The following CDH13 variants were observed in gnomAD, a reference collection of about 807,000 sequenced individuals.
The protein encoded by CDH13 is cadherin-13.
In CDH13, 24 loss-of-function variants were observed where a neutral mutation model predicts 63.8. That is an observed-to-expected ratio of 0.38 (90% confidence interval 0.27 to 0.53). CDH13 has a LOEUF of 0.53. CDH13 is among the 20% of genes least tolerant of loss of function. CDH13 has a pLI of 0.85. For missense variants in CDH13, 1,049 were observed against 903.1 expected, an observed-to-expected ratio of 1.16 and a Z score of -2.07; for synonymous variants, 503 against 355.3, an observed-to-expected ratio of 1.42 and a Z score of -4.67.
intron 2 of CDH13, among the ~76,000 whole-genome samples, chr16:83,029,487 A>T (rs1916111026): frequency 6.6e-6 from 1 of 152,224 alleles, no homozygotes; most frequent in South Asian, 2.1e-4. Context: ...TAAGATAAAG[A>T]TAAATATAGT....
chr16:82,782,550 T>TAA, intron 1 of CDH13, among the ~76,000 whole-genome samples: 1 of 80,042 alleles, frequency 1.2e-5, no homozygotes. Context: ...AGACTCCATC[T>TAA]CAAAAAAAAA....
At chr16:83,784,364 GC>G (rs1915736184) in intron 13 of CDH13, among the ~76,000 whole-genome samples, 1 of 152,118 alleles carries the variant, frequency 6.6e-6, no homozygotes, top group African/African-American at 2.4e-5. Flanking sequence ...AGGCACGGTG[GC>G]TCACACCTAT....
chr16:82,800,326 T>A (rs2036789816), intron 1 of CDH13, among the ~76,000 whole-genome samples: 1 of 152,152 alleles, frequency 6.6e-6, no homozygotes, highest in Non-Finnish European at 1.5e-5. Flanking sequence ...GAAGACCCAG[T>A]TCAATGGGTT....
intron 2 of CDH13, among the ~76,000 whole-genome samples, chr16:82,956,652 G>C (rs981311971): frequency 6.6e-6 from 1 of 152,150 alleles, no homozygotes; most frequent in African/African-American, 2.4e-5. Context: ...TGCCATCTCT[G>C]GTTTTATCTT....
At chr16:83,439,769 C>A (rs1213478276) in intron 6 of CDH13, among the ~76,000 whole-genome samples, 2 of 152,198 alleles carry the variant, frequency 1.3e-5, no homozygotes, top group African/African-American at 4.8e-5. Flanking sequence ...AGAACACCAA[C>A]ATCTAATTAA....
chr16:83,130,038 A>G (rs2035981446), intron 4 of CDH13, among the ~76,000 whole-genome samples: 1 of 152,140 alleles, frequency 6.6e-6, no homozygotes, highest in South Asian at 2.1e-4. Flanking sequence ...ATTCATATCA[A>G]CAAGCATATA....
intron 7 of CDH13, among the ~76,000 whole-genome samples, chr16:83,547,255 G>A (rs2075402699): frequency 6.6e-6 from 1 of 152,210 alleles, no homozygotes; most frequent in African/African-American, 2.4e-5. Flanking sequence ...TGGACCCAGG[G>A]GGATGTGGGA....
At chr16:83,763,197 A>C (rs1914114910) in intron 11 of CDH13, among the ~76,000 whole-genome samples, 1 of 152,164 alleles carries the variant, frequency 6.6e-6, no homozygotes, top group South Asian at 2.1e-4. Flanking sequence ...CCAGTGAAAA[A>C]TGTGATGTGG....
At chr16:82,645,047 C>G (rs1909925139) in intron 1 of CDH13, among the ~76,000 whole-genome samples, 1 of 152,116 alleles carries the variant, frequency 6.6e-6, no homozygotes, top group African/African-American at 2.4e-5. Context: ...TTTCAGAGGG[C>G]TCTTCCCAAA....
intron 1 of CDH13, among the ~76,000 whole-genome samples, chr16:82,766,192 T>G (rs1360780432): frequency 6.6e-6 from 1 of 152,198 alleles, no homozygotes; most frequent in Non-Finnish European, 1.5e-5. Flanking sequence ...TGCTAAAAAG[T>G]CTTATTCGTG....
intron 7 of CDH13, among the ~76,000 whole-genome samples, chr16:83,549,631 T>G (rs2150668081): frequency 6.8e-6 from 1 of 147,502 alleles, no homozygotes; most frequent in South Asian, 2.2e-4. Flanking sequence ...TGCATCATTT[T>G]TCTCTACGCT....
intron 4 of CDH13, among the ~76,000 whole-genome samples, chr16:83,132,164 C>T (rs2036082164): frequency 6.6e-6 from 1 of 152,048 alleles, no homozygotes; most frequent in African/African-American, 2.4e-5. Flanking sequence ...CCACGAAGAC[C>T]AAGCTATATC....
intron 1 of CDH13, among the ~76,000 whole-genome samples, chr16:82,637,453 C>G (rs1452520793): frequency 7.1e-5 from 1 of 14,000 alleles, no homozygotes; most frequent in Admixed American, 5.3e-4. Flanking sequence ...TTTTTTGAGA[C>G]GGAGTCTGGC....
intron 2 of CDH13, among the ~76,000 whole-genome samples, chr16:83,025,829 T>A (rs1567756170): frequency 6.6e-6 from 1 of 152,184 alleles, no homozygotes. Flanking sequence ...ACAAAGAGTT[T>A]ATAATGTAAG....
At chr16:83,232,196 T>G (rs868747194) in intron 5 of CDH13, among the ~76,000 whole-genome samples, 1 of 124,002 alleles carries the variant, frequency 8.1e-6, no homozygotes, top group African/African-American at 3.0e-5. Context: ...ACCCTTGAAA[T>G]TAAAAGTGTT....
intron 5 of CDH13, among the ~76,000 whole-genome samples, chr16:83,245,225 C>T (rs999318840): frequency 5.9e-5 from 9 of 152,146 alleles, no homozygotes; most frequent in Admixed American, 5.9e-4. Flanking sequence ...TTATCTGGCT[C>T]TCTGCCACCC....
At chr16:83,286,054 A>T (rs952934340) in intron 5 of CDH13, among the ~76,000 whole-genome samples, 1 of 152,092 alleles carries the variant, frequency 6.6e-6, no homozygotes, top group African/African-American at 2.4e-5. Context: ...CCCTGTCTCA[A>T]ATGCAAGTCT....
intron 1 of CDH13, among the ~76,000 whole-genome samples, chr16:82,801,574 C>G (rs999531734): frequency 6.6e-6 from 1 of 152,164 alleles, no homozygotes; most frequent in Non-Finnish European, 1.5e-5. Context: ...AAGGTTACTA[C>G]TGGATGCTGA....
chr16:82,736,563 C>T (rs2151045524), intron 1 of CDH13, among the ~76,000 whole-genome samples: 1 of 152,268 alleles, frequency 6.6e-6, no homozygotes, highest in Non-Finnish European at 1.5e-5. Context: ...ATGCCTGGTA[C>T]ATATTAGGAA....
Sources: gnomAD v4.1 joint callset for allele counts (sites outside exome capture counted in the v4.1 genomes callset) on GRCh38, gnomAD v4.1.1 for gene constraint, MANE v1.5 for transcripts, NCBI Gene and HGNC (gene_info 2026-07-23, HGNC 2026-07-21) for gene names.